PAPSS2: variants seen among roughly 807,000 people sequenced by gnomAD.
PAPSS2 encodes 3'-phosphoadenosine 5'-phosphosulfate synthase 2.
Under a neutral mutation model 66.5 loss-of-function variants are expected in PAPSS2, and 61 were observed. That is an observed-to-expected ratio of 0.92 (90% CI 0.75 to 1.14). The LOEUF is 1.14. Ranked by LOEUF, PAPSS2 falls within the 50% of genes most tolerant of loss-of-function variation. The pLI is 0.00. For missense variants in PAPSS2, 708 were observed against 789.6 expected (o/e 0.90, Z 1.24); for synonymous variants, 289 against 287.5 (o/e 1.01, Z -0.05).
At chr10:87,693,545 A>G (rs1853196751) in intron 1 of PAPSS2, among the ~76,000 whole-genome samples, 1 of 152,242 alleles carries the variant, frequency 6.6e-6, no homozygotes, top group South Asian at 2.1e-4. Context: ...TGGAGGAAGA[A>G]GCAGTGGAAT....
intron 1 of PAPSS2, among the ~76,000 whole-genome samples, chr10:87,707,605 T>C (rs1173114549): frequency 1.3e-5 from 2 of 148,644 alleles, no homozygotes; most frequent in Non-Finnish European, 3.0e-5. Context: ...GGTCTCGCTC[T>C]GTTGCCCAGG....
At position 87,714,915 on chromosome 10, in the gene PAPSS2, A is replaced by G. The variant is rs371966447; in HGVS notation, c.639+52A>G. The G allele has an allele frequency of 1.0e-4, 142 of 1,418,922 alleles. No individual in the cohort carries two copies. In the African/African-American group the frequency reaches 1.9e-3, roughly 19 times the overall value. 87.9% of individuals were successfully genotyped at this position (1,418,922 alleles called of 1,614,324 possible). On this transcript the variant is annotated intron_variant, in intron 5 of 12. Transcript: ENST00000456849. ...TATGTTTAATAAAATCATGAAAGAC[A>G]ATCTATGCCTCTTTACTGAAGCATT...
At chr10:87,711,324 G>T (rs1437421093) in intron 2 of PAPSS2, among the ~76,000 whole-genome samples, 1 of 152,266 alleles carries the variant, frequency 6.6e-6, no homozygotes, top group East Asian at 1.9e-4. Context: ...TAGTTAAGTT[G>T]TCAGTAATTG....
At chr10:87,731,955 TG>T (rs1853735001) in intron 9 of PAPSS2, among the ~76,000 whole-genome samples, 1 of 152,208 alleles carries the variant, frequency 6.6e-6, no homozygotes, top group South Asian at 2.1e-4. Context: ...AGTGGCAGCC[TG>T]TGAGAGGATT....
chr10:87,746,108 TA>T lies in PAPSS2; in HGVS notation c.*147del, dbSNP rs141653988. 1,668 of 630,238 alleles carry T rather than the reference TA, an allele frequency of 2.6e-3. 8 individuals carry two copies. The highest frequency in any genetic ancestry group is 0.018 in the African/African-American group (909 of 51,016). 39.0% of individuals were successfully genotyped at this position (630,238 alleles called of 1,614,324 possible). On this transcript the variant is annotated 3_prime_UTR_variant, in exon 13 of 13. Coordinates refer to ENST00000456849, the MANE Select transcript of PAPSS2 (RefSeq NM_001015880.2). Reference sequence around the variant, plus strand: ...ATGAAGTAAAAGTTGTGTCTATAATTAAAAAAAAATATATATATATACACAC... The same window carrying T: ...ATGAAGTAAAAGTTGTGTCTATAATTAAAAAAAATATATATATATACACAC...
At chr10:87,716,183 AG>A (rs1853530271) in intron 7 of PAPSS2, among the ~76,000 whole-genome samples, 1 of 152,142 alleles carries the variant, frequency 6.6e-6, no homozygotes, top group Non-Finnish European at 1.5e-5. Context: ...GGACATTCCT[AG>A]GGCAGCCAAG....
At chr10:87,728,740 G>GAA (rs78099518) in intron 9 of PAPSS2, among the ~76,000 whole-genome samples, 24 of 148,626 alleles carry the variant, frequency 1.6e-4, no homozygotes, top group South Asian at 2.1e-4. Context: ...CTGTCTGAAA[G>GAA]AAAAAAAAAA....
chr10:87,677,193 C>A (rs1852960781), intron 1 of PAPSS2, among the ~76,000 whole-genome samples: 1 of 152,000 alleles, frequency 6.6e-6, no homozygotes, highest in East Asian at 1.9e-4. Flanking sequence ...GACTCCATCT[C>A]AAAAAATAAG....
chr10:87,735,832 C>G (rs1408328169), intron 9 of PAPSS2, among the ~76,000 whole-genome samples: 2 of 152,214 alleles, frequency 1.3e-5, no homozygotes, highest in East Asian at 1.9e-4. Flanking sequence ...CTAAATCAGC[C>G]TCTGTTTAGA....
At chr10:87,736,185 A>G (rs1216178415) in intron 9 of PAPSS2, among the ~76,000 whole-genome samples, 1 of 151,962 alleles carries the variant, frequency 6.6e-6, no homozygotes, top group Non-Finnish European at 1.5e-5. Context: ...GTAATTGATT[A>G]TACTTCAATA....
intron 1 of PAPSS2, among the ~76,000 whole-genome samples, chr10:87,708,404 C>T (rs936380261): frequency 3.3e-5 from 5 of 152,254 alleles, no homozygotes; most frequent in South Asian, 2.1e-4. Context: ...TCACTCTTGC[C>T]GTGTCTCTGA....
chr10:87,717,972 G>C (rs1011317935), intron 7 of PAPSS2, among the ~76,000 whole-genome samples: 22 of 152,150 alleles, frequency 1.4e-4, no homozygotes, highest in Admixed American at 6.5e-5. Context: ...CTTTTACACT[G>C]TCTCAATTTC....
At chr10:87,722,142 A>G (rs2131716783) in intron 8 of PAPSS2, among the ~76,000 whole-genome samples, 1 of 152,290 alleles carries the variant, frequency 6.6e-6, no homozygotes, top group East Asian at 1.9e-4. Context: ...TACAGTGTTT[A>G]TAAAAGATTT....
chr10:87,668,690 G>GTGTA (rs397950915), intron 1 of PAPSS2, among the ~76,000 whole-genome samples: 2 of 141,608 alleles, frequency 1.4e-5, no homozygotes, highest in Non-Finnish European at 3.1e-5. Context: ...GTGTGTGTGT[G>GTGTA]TTTAAAAATA....
chr10:87,661,948 A>G (rs964671030), intron 1 of PAPSS2, among the ~76,000 whole-genome samples: 7 of 152,372 alleles, frequency 4.6e-5, no homozygotes, highest in African/African-American at 1.7e-4. Context: ...ACAGCAAGCC[A>G]GCTGTAAATG....
At chr10:87,670,140 T>C (rs7085195) in intron 1 of PAPSS2, among the ~76,000 whole-genome samples, 51,975 of 152,182 alleles carry the variant, frequency 0.34, 9,652 homozygotes, top group East Asian at 0.44. Context: ...ATTTTATTTG[T>C]TCTCAGACTC....
chr10:87,679,599 A>G (rs962806160), intron 1 of PAPSS2, among the ~76,000 whole-genome samples: 2 of 152,234 alleles, frequency 1.3e-5, no homozygotes, highest in East Asian at 3.8e-4. Context: ...TTTAAAAATT[A>G]CATGCCAATT....
intron 1 of PAPSS2, among the ~76,000 whole-genome samples, chr10:87,704,480 T>C (rs1220364507): frequency 6.6e-6 from 1 of 152,182 alleles, no homozygotes; most frequent in Non-Finnish European, 1.5e-5. Flanking sequence ...TATAGACAAA[T>C]TAAATTTTAG....
intron 1 of PAPSS2, among the ~76,000 whole-genome samples, chr10:87,705,584 A>G (rs553829321): frequency 2.0e-5 from 3 of 152,190 alleles, no homozygotes; most frequent in African/African-American, 7.2e-5. Context: ...ATTATCAGTG[A>G]CCTCTCATTT....
Sources: gnomAD v4.1 joint callset for allele counts (sites outside exome capture counted in the v4.1 genomes callset) on GRCh38, gnomAD v4.1.1 for gene constraint, MANE v1.5 for transcripts, NCBI Gene and HGNC (gene_info 2026-07-23, HGNC 2026-07-21) for gene names.